ADCY1: variants seen among roughly 807,000 people sequenced by gnomAD.
ADCY1 encodes adenylate cyclase type 1.
Under a neutral mutation model 105.4 loss-of-function variants are expected in ADCY1, and 28 were observed. The ratio of observed to expected loss-of-function variants is 0.27; its 90% CI spans 0.20 to 0.36. ADCY1 has a LOEUF of 0.36. ADCY1 is among the 10% of genes least tolerant of loss of function. The pLI is 1.00. For missense variants in ADCY1, 977 were observed against 1,434.2 expected, an observed-to-expected ratio of 0.68 and a Z score of 5.15; for synonymous variants, 655 against 623.8, an observed-to-expected ratio of 1.05 and a Z score of -0.75.
At chr7:45,676,294 G>A (rs1159265003) in intron 8 of ADCY1, among the ~76,000 whole-genome samples, 1 of 152,042 alleles carries the variant, frequency 6.6e-6, no homozygotes, top group African/African-American at 2.4e-5. Context: ...ACTTATTGAA[G>A]CATTTTTATA....
chr7:45,594,346 T>C (rs1003554086), intron 2 of ADCY1, among the ~76,000 whole-genome samples: 1 of 152,170 alleles, frequency 6.6e-6, no homozygotes, highest in East Asian at 1.9e-4. Flanking sequence ...AGGAGAGATA[T>C]CTCCTTTGTG....
chr7:45,592,460 A>G (rs73318958), intron 1 of ADCY1, among the ~76,000 whole-genome samples: 1,781 of 152,274 alleles, frequency 0.012, 27 homozygotes, highest in African/African-American at 0.035. Context: ...CCTGTTTTCA[A>G]TTAGTCACAT....
At chr7:45,650,556 C>T (rs576340525) in intron 5 of ADCY1, among the ~76,000 whole-genome samples, 4 of 152,230 alleles carry the variant, frequency 2.6e-5, no homozygotes, top group African/African-American at 9.6e-5. Flanking sequence ...ACCTGGCTGA[C>T]CAGGTGGCTC....
chr7:45,674,652 G>A (rs923945035), intron 8 of ADCY1, among the ~76,000 whole-genome samples: 3 of 152,198 alleles, frequency 2.0e-5, no homozygotes, highest in South Asian at 2.1e-4. Context: ...GATTACAGGC[G>A]TGAGCCACAG....
chr7:45,574,316 C>A, upstream of ADCY1: 1 of 204,176 alleles, frequency 4.9e-6, no homozygotes, highest in Non-Finnish European at 8.5e-6. This position sits in a 1 kb window ranked among gnomAD's most constrained non-coding sequence, Gnocchi z 7.0. Flanking sequence ...CGCCGAGGAC[C>A]ACGGTCGGGG....
At position 45,657,903 on chromosome 7, in the gene ADCY1, T is replaced by TGGGG; in HGVS notation, c.1307+19_1307+22dup. 2 of 242,746 alleles carry TGGGG rather than the reference T, an allele frequency of 8.2e-6. No individual in the cohort carries two copies. The highest frequency in any genetic ancestry group is 5.3e-5 in the Admixed American group (1 of 18,812). The allele number at this position is 242,746 out of a possible 1,614,324, so 15.0% of individuals were successfully genotyped here. A position where few individuals can be genotyped will look rare whatever the true frequency, so the allele number is the denominator to read the frequency against. The stretch of plus-strand genomic sequence containing the variant: ...CTGCCAGGGTAAGTCGGGGATGGGG[T>TGGGG]GGGGAGGGGAGGGAGGTGGGTGATG... On this transcript the variant is annotated intron_variant, in intron 6 of 19. Coordinates refer to ENST00000297323, the MANE Select transcript of ADCY1 (RefSeq NM_021116.4).
chr7:45,707,847 C>A (rs368526657), intron 17 of ADCY1, among the ~76,000 whole-genome samples: 21 of 152,128 alleles, frequency 1.4e-4, no homozygotes, highest in African/African-American at 4.8e-4. Flanking sequence ...TTTTAAAAAG[C>A]ATTAGTTTCC....
At chr7:45,672,016 A>G (rs1781103905) in intron 8 of ADCY1, among the ~76,000 whole-genome samples, 1 of 152,188 alleles carries the variant, frequency 6.6e-6, no homozygotes, top group Non-Finnish European at 1.5e-5. Context: ...AAAACCTTTT[A>G]CATAGCCCAA....
intron 12 of ADCY1, among the ~76,000 whole-genome samples, chr7:45,685,532 G>A (rs1459317248): frequency 6.6e-6 from 1 of 151,762 alleles, no homozygotes; most frequent in Non-Finnish European, 1.5e-5. Context: ...ACAGAGCTGG[G>A]GGCAGGAGGA....
chr7:45,618,740 A>AGAGATCTC (rs1221887513), intron 3 of ADCY1, among the ~76,000 whole-genome samples: 5 of 152,318 alleles, frequency 3.3e-5, no homozygotes, highest in African/African-American at 1.2e-4. Flanking sequence ...TGCAGAAAAA[A>AGAGATCTC]GAGATCTCTT....
At chr7:45,680,058 A>G (rs1784526627) in intron 11 of ADCY1, among the ~76,000 whole-genome samples, 1 of 152,172 alleles carries the variant, frequency 6.6e-6, no homozygotes, top group South Asian at 2.1e-4. Flanking sequence ...CCCTGCCTAG[A>G]CAGGAAGAAA....
At chr7:45,614,782 C>A (rs1040190194) in intron 3 of ADCY1, among the ~76,000 whole-genome samples, 1 of 152,062 alleles carries the variant, frequency 6.6e-6, no homozygotes, top group Non-Finnish European at 1.5e-5. Flanking sequence ...CCAGAAGAGA[C>A]AAGAAGTCTT....
intron 1 of ADCY1, among the ~76,000 whole-genome samples, chr7:45,579,626 G>A (rs974292953): frequency 4.6e-5 from 7 of 152,200 alleles, no homozygotes; most frequent in African/African-American, 1.2e-4. Flanking sequence ...GGTTAGAGCC[G>A]GGTCAGGGAG....
intron 4 of ADCY1, among the ~76,000 whole-genome samples, chr7:45,636,569 G>A (rs1002004666): frequency 6.6e-6 from 1 of 152,042 alleles, no homozygotes; most frequent in African/African-American, 2.4e-5. Flanking sequence ...TTTTTGTTGG[G>A]ACAGAGTCTC....
intron 11 of ADCY1, among the ~76,000 whole-genome samples, chr7:45,682,886 G>C (rs1250824182): frequency 6.6e-6 from 1 of 152,160 alleles, no homozygotes; most frequent in Non-Finnish European, 1.5e-5. Context: ...TTAAGGTAGG[G>C]GGAAGGGAGC....
chr7:45,681,100 C>T (rs540039963), intron 11 of ADCY1, among the ~76,000 whole-genome samples: 2 of 152,182 alleles, frequency 1.3e-5, no homozygotes, highest in Admixed American at 1.3e-4. Context: ...GCTCATGAAA[C>T]CAGGAAGCAA....
At chr7:45,696,281 T>C (rs981488067) in intron 14 of ADCY1, among the ~76,000 whole-genome samples, 8 of 151,686 alleles carry the variant, frequency 5.3e-5, no homozygotes, top group Admixed American at 1.3e-4. Flanking sequence ...TACTAAAAAA[T>C]ACAAAAAATT....
intron 4 of ADCY1, among the ~76,000 whole-genome samples, chr7:45,638,912 A>G (rs1048459772): frequency 2.0e-5 from 3 of 152,098 alleles, no homozygotes; most frequent in Non-Finnish European, 4.4e-5. Flanking sequence ...TCAAGGTTGT[A>G]TAATTGATGG....
chr7:45,646,678 G>A (rs955961162), intron 4 of ADCY1, among the ~76,000 whole-genome samples: 19 of 152,274 alleles, frequency 1.2e-4, no homozygotes, highest in South Asian at 4.2e-4. Context: ...TCATGCTCCC[G>A]GGCCCCTGCC....
Sources: gnomAD v4.1 joint callset for allele counts (sites outside exome capture counted in the v4.1 genomes callset) on GRCh38, gnomAD v4.1.1 for gene constraint, Gnocchi (gnomAD v3.1) non-coding constraint, MANE v1.5 for transcripts, NCBI Gene and HGNC (gene_info 2026-07-23, HGNC 2026-07-21) for gene names.